The following GLIS3 variants were observed in gnomAD, a reference collection of about 807,000 sequenced individuals.
GLIS3 encodes the protein zinc finger protein GLIS3.
A neutral mutation model predicts 78.6 loss-of-function variants in GLIS3; 53 were observed. That is an observed-to-expected ratio of 0.67 (90% CI 0.54 to 0.85). GLIS3 has a LOEUF of 0.85. Among genes scored for constraint, GLIS3 ranks in the 40% least tolerant of loss-of-function variants. GLIS3 has a pLI of 0.00. For synonymous variants in GLIS3, 684 were observed against 509.9 expected (o/e 1.34, Z -4.60); for missense variants, 1,703 against 1,231.1 (o/e 1.38, Z -5.74).
the GLIS3 span, among the ~76,000 whole-genome samples, chr9:4,457,414 T>C: frequency 9.2e-5 from 14 of 151,732 alleles, no homozygotes; most frequent in African/African-American, 3.1e-4. Context: ...ATTGCATTGA[T>C]TGCACCCTCT....
intron 4 of GLIS3, among the ~76,000 whole-genome samples, chr9:4,017,367 T>C (rs1004143754): frequency 6.6e-6 from 1 of 152,128 alleles, no homozygotes; most frequent in Non-Finnish European, 1.5e-5. Flanking sequence ...ATTTGGGTGC[T>C]GAATGCAAAA....
At chr9:3,953,027 A>G (rs1027199978) in intron 4 of GLIS3, among the ~76,000 whole-genome samples, 9 of 152,178 alleles carry the variant, frequency 5.9e-5, no homozygotes, top group Non-Finnish European at 8.8e-5. Context: ...GATATTAATA[A>G]AGATGTATTC....
chr9:4,348,217 A>G (rs1454892414), intron 1 of GLIS3: 2 of 152,234 alleles, frequency 1.3e-5, no homozygotes, highest in Non-Finnish European at 2.9e-5. Flanking sequence ...AAGCTGAAAT[A>G]TATTTCTTTC....
At chr9:4,139,046 G>C (rs1833613137) in intron 2 of GLIS3, among the ~76,000 whole-genome samples, 1 of 152,160 alleles carries the variant, frequency 6.6e-6, no homozygotes, top group Non-Finnish European at 1.5e-5. Context: ...GGTGAGACCA[G>C]GCTGGGAAGA....
intron 2 of GLIS3, among the ~76,000 whole-genome samples, chr9:4,197,830 A>G (rs1001133073): frequency 6.6e-6 from 1 of 152,188 alleles, no homozygotes; most frequent in Non-Finnish European, 1.5e-5. Flanking sequence ...AGCCCAATAT[A>G]AAACCTGCCA....
At chr9:4,317,062 C>T (rs1817447573) in intron 2 of GLIS3, among the ~76,000 whole-genome samples, 1 of 152,142 alleles carries the variant, frequency 6.6e-6, no homozygotes, top group Non-Finnish European at 1.5e-5. Context: ...GATGAGGATG[C>T]TTGAGCAGGG....
chr9:4,474,260 A>G, the GLIS3 span, among the ~76,000 whole-genome samples: 1 of 152,222 alleles, frequency 6.6e-6, no homozygotes, highest in Non-Finnish European at 1.5e-5. Flanking sequence ...AGTAAAACAA[A>G]ATAGAAAGTT....
chr9:4,086,945 T>C lies in GLIS3; in HGVS notation c.1710+30823A>G, dbSNP rs191426242. 3.9e-5 allele frequency among the ~76,000 whole-genome samples: 6 copies of C among 152,294 alleles called. No individual in the cohort carries two copies. The East Asian group carries it at 1.2e-3, about 29-fold the overall frequency. The stretch of plus-strand genomic sequence containing the variant: ...TCCTCCACATTGGACCTTGAACCCG[T>C]AGACGGCAGAGGCTCCCTACTCTTC... On this transcript the variant is annotated intron_variant, in intron 4 of 10. Coordinates refer to ENST00000381971, the MANE Select transcript of GLIS3 (RefSeq NM_001042413.2).
intron 2 of GLIS3, among the ~76,000 whole-genome samples, chr9:4,157,202 T>C (rs1835104168): frequency 6.6e-6 from 1 of 152,174 alleles, no homozygotes; most frequent in Non-Finnish European, 1.5e-5. Context: ...TAGGTGCCTG[T>C]GGCTAAGAAT....
At chr9:4,362,650 G>C in the GLIS3 span, among the ~76,000 whole-genome samples, 4 of 152,174 alleles carry the variant, frequency 2.6e-5, no homozygotes, top group African/African-American at 9.7e-5. Flanking sequence ...GCAATGCCTG[G>C]ATATTATTCT....
intron 6 of GLIS3, among the ~76,000 whole-genome samples, chr9:3,923,512 A>G (rs1193960644): frequency 6.6e-6 from 1 of 152,170 alleles, no homozygotes; most frequent in African/African-American, 2.4e-5. Flanking sequence ...AGACATCAGC[A>G]AGGTCACCAT....
At chr9:4,172,370 G>C (rs1816445038) in intron 2 of GLIS3, among the ~76,000 whole-genome samples, 1 of 152,104 alleles carries the variant, frequency 6.6e-6, no homozygotes, top group African/African-American at 2.4e-5. Flanking sequence ...AAGTCACTAG[G>C]TCTCCATACT....
intron 2 of GLIS3, among the ~76,000 whole-genome samples, chr9:4,191,950 G>C (rs1818369159): frequency 6.6e-6 from 1 of 152,096 alleles, no homozygotes; most frequent in Non-Finnish European, 1.5e-5. Context: ...AAAGGAGGTT[G>C]GAAGTGAATG....
chr9:4,345,255 G>T (rs1371520344), intron 2 of GLIS3, among the ~76,000 whole-genome samples: 1 of 152,074 alleles, frequency 6.6e-6, no homozygotes, highest in Admixed American at 6.6e-5. Flanking sequence ...AACACACTTA[G>T]CCAGTTTTCT....
intron 8 of GLIS3, among the ~76,000 whole-genome samples, chr9:3,863,427 C>T (rs1563789384): frequency 1.3e-5 from 2 of 152,188 alleles, no homozygotes; most frequent in Non-Finnish European, 2.9e-5. Flanking sequence ...CAACACTGTC[C>T]ACTGGGGCAG....
the GLIS3 span, among the ~76,000 whole-genome samples, chr9:4,457,972 C>T: frequency 9.2e-5 from 14 of 152,050 alleles, no homozygotes; most frequent in South Asian, 2.1e-4. Context: ...GTTAGGACCA[C>T]GTTAGTTTCA....
the GLIS3 span, among the ~76,000 whole-genome samples, chr9:4,473,373 G>A: frequency 6.6e-6 from 1 of 150,984 alleles, no homozygotes; most frequent in Non-Finnish European, 1.5e-5. Flanking sequence ...TTGAACCTGG[G>A]AGGCAGAGGT....
At chr9:4,355,492 A>C in the GLIS3 span, among the ~76,000 whole-genome samples, 1 of 152,226 alleles carries the variant, frequency 6.6e-6, no homozygotes, top group East Asian at 1.9e-4. Context: ...CCTTTGACAC[A>C]GTACATAGCT....
chr9:4,086,611 G>A (rs972005297), intron 4 of GLIS3, among the ~76,000 whole-genome samples: 1 of 152,234 alleles, frequency 6.6e-6, no homozygotes, highest in East Asian at 1.9e-4. Context: ...AGAGAGGAAG[G>A]ATGACGGAAT....
Sources: allele counts gnomAD v4.1 joint callset (sites outside exome capture counted in the v4.1 genomes callset), GRCh38; gene constraint gnomAD v4.1.1; transcripts MANE v1.5; gene names NCBI Gene and HGNC (gene_info 2026-07-23, HGNC 2026-07-21).